The following RAB27A variants were observed in gnomAD, a reference collection of about 807,000 sequenced individuals.
The protein encoded by RAB27A is RAB27A, member RAS oncogene family, also known as ras-related protein Rab-27A.
A neutral mutation model predicts 20.8 loss-of-function variants in RAB27A; 17 were observed. That is an observed-to-expected ratio of 0.82 (90% CI 0.56 to 1.23). The LOEUF is 1.23. RAB27A is among the 50% of genes most tolerant of loss of function. The pLI, the probability that RAB27A is intolerant of heterozygous loss-of-function variation, is 0.00. For missense variants in RAB27A, 277 were observed against 266.7 expected (o/e 1.04, Z -0.27); for synonymous variants, 85 against 92.8 (o/e 0.92, Z 0.48).
intron 2 of RAB27A, among the ~76,000 whole-genome samples, chr15:55,235,572 T>C (rs1404545908): frequency 6.6e-6 from 1 of 152,168 alleles, no homozygotes; most frequent in East Asian, 1.9e-4. Flanking sequence ...AAGTCTTATC[T>C]GTAGACCATA....
rs560749317 is a variant in RAB27A at position 55,295,354 on chromosome 15, T to G, written c.-112+18685A>C. 2.6e-5 allele frequency among the ~76,000 whole-genome samples: 4 copies of G among 152,264 alleles called. No homozygotes were observed. The East Asian group carries it at 7.7e-4, about 29-fold the overall frequency. ...GCAAGCCTATTCCTAGAACTATGCCTAAAAGAACTGAAAACAAGCATCCAA... is the reference window on the plus strand; with the variant it reads ...GCAAGCCTATTCCTAGAACTATGCCGAAAAGAACTGAAAACAAGCATCCAA... On this transcript the variant is annotated intron_variant, in intron 2 of 5. Coordinates refer to the RAB27A transcript ENST00000563262.
intron 2 of RAB27A, among the ~76,000 whole-genome samples, chr15:55,258,096 CAGTG>C: frequency 6.7e-6 from 1 of 149,330 alleles, no homozygotes; most frequent in East Asian, 2.0e-4. Context: ...AGGAAACACA[CAGTG>C]AGGAGGAGTT....
In RAB27A at chr15:55,205,499, T is replaced by C. The variant is rs1894597376; in HGVS notation, c.*8A>G. 2 of 1,613,522 alleles carry C rather than the reference T, an allele frequency of 1.2e-6. No individual in the cohort carries two copies. The highest frequency in any genetic ancestry group is 8.5e-7 in the Non-Finnish European group (1 of 1,179,518). On this transcript the variant is annotated 3_prime_UTR_variant, in exon 7 of 7. Coordinates refer to ENST00000336787, the MANE Select transcript of RAB27A (RefSeq NM_183235.3). ...CCACCTGAACTACTATGTCGCTTAC[T>C]TGACTTCTCAACAGCCACATGCCCC...
chr15:55,290,443 A>T (rs1898280479), upstream of RAB27A: 1 of 152,276 alleles, frequency 6.6e-6, no homozygotes, highest in Non-Finnish European at 1.5e-5. Flanking sequence ...TCGCAGGAAA[A>T]AAATCAATGT....
intron 2 of RAB27A, among the ~76,000 whole-genome samples, chr15:55,252,502 TGAGGCAC>T (rs1405396620): frequency 6.6e-6 from 1 of 152,098 alleles, no homozygotes; most frequent in Non-Finnish European, 1.5e-5. Flanking sequence ...CTCTGAAGGC[TGAGGCAC>T]GAGAATGGCT....
chr15:55,283,449 A>G (rs1255174907), intron 1 of RAB27A, among the ~76,000 whole-genome samples: 2 of 152,144 alleles, frequency 1.3e-5, no homozygotes, highest in African/African-American at 4.8e-5. Flanking sequence ...ACCTGAGGAA[A>G]TACCACAACC....
rs1005763332 is a variant in RAB27A, at chr15:55,317,295, C to T, written c.-234+1636G>A. ...TTAAGCAATTATTACAGTTCATCTC[C>T]ATGAGGTATTTGTGGGTTTTTTTGC... On this transcript the variant is annotated intron_variant, in intron 1 of 5. Coordinates refer to the RAB27A transcript ENST00000563262. 1.9e-5 allele frequency: 3 copies of T among 156,786 alleles called. 1 individual carries two copies. Among genetic ancestry groups the T allele is most frequent in the African/African-American group, 7.2e-5 (3 of 41,758 alleles). The allele number at this position is 156,786 out of a possible 1,614,324, so 9.7% of individuals were successfully genotyped here.
chr15:55,266,387 T>C (rs1181321034), intron 2 of RAB27A, among the ~76,000 whole-genome samples: 1 of 152,192 alleles, frequency 6.6e-6, no homozygotes, highest in Non-Finnish European at 1.5e-5. Context: ...CAGTTTGAAC[T>C]GGTTAAGACA....
intron 2 of RAB27A, among the ~76,000 whole-genome samples, chr15:55,269,616 GT>G: frequency 6.6e-6 from 1 of 152,010 alleles, no homozygotes; most frequent in East Asian, 1.9e-4. Flanking sequence ...GCATGGTAGC[GT>G]GGGGTCCCAG....
chr15:55,233,924 G>A (rs1408196133), intron 3 of RAB27A, among the ~76,000 whole-genome samples: 1 of 152,050 alleles, frequency 6.6e-6, no homozygotes. Flanking sequence ...TTTCATTAGG[G>A]CCCTACTGTT....
At chr15:55,224,961 A>C (rs183846414) in intron 5 of RAB27A, among the ~76,000 whole-genome samples, 205 of 152,304 alleles carry the variant, frequency 1.3e-3, no homozygotes, top group African/African-American at 3.7e-3. Flanking sequence ...CACAGGCCTG[A>C]TACTCTGCAT....
At chr15:55,230,523 C>A in intron 3 of RAB27A, 37 bp from the exon 4 acceptor site, 1 of 1,535,164 alleles carries the variant, frequency 6.5e-7, no homozygotes, top group Non-Finnish European at 9.0e-7. Context: ...CAAAAGAGAA[C>A]TTCTAACACC....
intron 2 of RAB27A, among the ~76,000 whole-genome samples, chr15:55,298,261 G>C (rs1035651689): frequency 8.0e-5 from 12 of 150,904 alleles, no homozygotes; most frequent in African/African-American, 2.9e-4. Flanking sequence ...TGCCCCGATA[G>C]TCACATAGGT....
intron 2 of RAB27A, among the ~76,000 whole-genome samples, chr15:55,306,027 CAT>C (rs1013241746): frequency 6.6e-6 from 1 of 152,106 alleles, no homozygotes; most frequent in African/African-American, 2.4e-5. Context: ...ACAGGAAGCA[CAT>C]AGATTCTGAA....
intron 1 of RAB27A, among the ~76,000 whole-genome samples, chr15:55,286,112 C>T (rs1043456259): frequency 2.6e-5 from 4 of 152,216 alleles, no homozygotes; most frequent in African/African-American, 9.6e-5. Flanking sequence ...GAACACTCTA[C>T]AGACATACCA....
chr15:55,261,623 C>T (rs951119004), intron 2 of RAB27A, among the ~76,000 whole-genome samples: 26 of 146,712 alleles, frequency 1.8e-4, no homozygotes, highest in African/African-American at 6.6e-4. Context: ...TGCCCGTAGT[C>T]CCAGCTACTT....
chr15:55,273,334 G>A (rs770871733), intron 1 of RAB27A, among the ~76,000 whole-genome samples: 13 of 151,626 alleles, frequency 8.6e-5, no homozygotes, highest in African/African-American at 1.5e-4. Context: ...GCTTGAACCC[G>A]GGAGGCGGAG....
At chr15:55,223,011 G>A (rs898281796) in intron 6 of RAB27A, among the ~76,000 whole-genome samples, 1 of 150,028 alleles carries the variant, frequency 6.7e-6, no homozygotes, top group African/African-American at 2.5e-5. Context: ...TGCTGCTGCT[G>A]CTATGATCCT....
At chr15:55,294,680 A>T (rs2054940366), upstream of RAB27A, among the ~76,000 whole-genome samples, 1 of 151,978 alleles carries the variant, frequency 6.6e-6, no homozygotes, top group African/African-American at 2.4e-5. Flanking sequence ...CACAAAAATT[A>T]ACTCAAAATG....
Sources: allele counts gnomAD v4.1 joint callset (sites outside exome capture counted in the v4.1 genomes callset), GRCh38; gene constraint gnomAD v4.1.1; transcripts MANE v1.5; gene names NCBI Gene and HGNC (gene_info 2026-07-23, HGNC 2026-07-21).